TUSC3: variants seen among roughly 807,000 people sequenced by gnomAD.
TUSC3 encodes the protein dolichyl-diphosphooligosaccharide--protein glycosyltransferase subunit TUSC3.
TUSC3 carries 45 observed loss-of-function variants against 44.8 expected under a neutral mutation model. That is an observed-to-expected ratio of 1.00 (90% CI 0.79 to 1.29). TUSC3 has a LOEUF of 1.29. Ranked by LOEUF, TUSC3 falls within the 50% of genes most tolerant of loss-of-function variation. The probability of loss-of-function intolerance (pLI) is 0.00; values close to 1 mark genes in which losing one functional copy is unlikely to be tolerated. For missense variants in TUSC3, 519 were observed against 437.9 expected (o/e 1.19, Z -1.65); for synonymous variants, 212 against 152.9 (o/e 1.39, Z -2.85).
chr8:15,668,247 TG>T (rs767201595), intron 5 of TUSC3, among the ~76,000 whole-genome samples: 37 of 151,720 alleles, frequency 2.4e-4, no homozygotes, highest in African/African-American at 3.9e-4. Context: ...AAGACATGGT[TG>T]TTTTTTTTCA....
At chr8:15,784,757 G>C in the TUSC3 span, among the ~76,000 whole-genome samples, 1 of 152,122 alleles carries the variant, frequency 6.6e-6, no homozygotes, top group Non-Finnish European at 1.5e-5. Context: ...ACCAGAGGCT[G>C]AGGAGAGGAG....
At chr8:15,517,772 C>G (rs1217263798) in intron 2 of TUSC3, among the ~76,000 whole-genome samples, 2 of 151,872 alleles carry the variant, frequency 1.3e-5, no homozygotes, top group African/African-American at 2.4e-5. Flanking sequence ...ATTTCTTTAC[C>G]TAAGAAATTT....
intron 1 of TUSC3, among the ~76,000 whole-genome samples, chr8:15,597,889 T>A (rs1289187133): frequency 6.6e-6 from 1 of 152,090 alleles, no homozygotes; most frequent in Admixed American, 6.6e-5. Context: ...TTAGTTAATA[T>A]TGTCCTTTAA....
In TUSC3 at chr8:15,757,670, C is replaced by T. The variant is rs931578003; in HGVS notation, c.1029-121C>T. The T allele has an allele frequency of 1.2e-5, 15 of 1,289,512 alleles. No homozygotes were observed. In the African/African-American group the frequency reaches 2.1e-4, roughly 18 times the overall value. 79.9% of individuals were successfully genotyped at this position (1,289,512 alleles called of 1,614,324 possible). A position where few individuals can be genotyped will look rare whatever the true frequency, so the allele number is the denominator to read the frequency against. On this transcript the variant is annotated intron_variant, in intron 9 of 10. Coordinates refer to ENST00000503731, the MANE Select transcript of TUSC3 (RefSeq NM_006765.4). ...TCTGTAAAGGCACCATCGTCTATCC[C>T]CTGTCTTATCTAGATAAAGAATGTA...
At chr8:15,822,046 TA>T in the TUSC3 span, among the ~76,000 whole-genome samples, 1 of 152,250 alleles carries the variant, frequency 6.6e-6, no homozygotes, top group African/African-American at 2.4e-5. Context: ...TAGATGCCCT[TA>T]AAATCCAGCA....
At chr8:15,782,140 A>G in the TUSC3 span, among the ~76,000 whole-genome samples, 28 of 152,290 alleles carry the variant, frequency 1.8e-4, no homozygotes, top group African/African-American at 6.7e-4. Flanking sequence ...ATCTCAAAAA[A>G]AGAAAAACTA....
At chr8:15,518,667 C>G (rs1051071564) in intron 2 of TUSC3, among the ~76,000 whole-genome samples, 2 of 152,108 alleles carry the variant, frequency 1.3e-5, no homozygotes, top group Non-Finnish European at 1.5e-5. Context: ...CCAGTCTTAG[C>G]AGCAAATCTG....
At chr8:15,598,394 A>G (rs1804152851) in intron 1 of TUSC3, among the ~76,000 whole-genome samples, 1 of 151,970 alleles carries the variant, frequency 6.6e-6, no homozygotes. Flanking sequence ...CACATGCGTC[A>G]TCTCCATCAT....
chr8:15,503,128 GT>G (rs978331119), intron 2 of TUSC3, among the ~76,000 whole-genome samples: 11 of 152,132 alleles, frequency 7.2e-5, no homozygotes, highest in African/African-American at 2.7e-4. Context: ...TATTTGGAGG[GT>G]TGGGTCTTCA....
At chr8:15,842,005 C>T in the TUSC3 span, among the ~76,000 whole-genome samples, 1 of 152,058 alleles carries the variant, frequency 6.6e-6, no homozygotes, top group African/African-American at 2.4e-5. Context: ...TAAACATAAC[C>T]TATATAATGG....
At chr8:15,425,299 C>G in intron 1 of TUSC3, among the ~76,000 whole-genome samples, 1 of 152,184 alleles carries the variant, frequency 6.6e-6, no homozygotes. Context: ...GTGTTGCCAA[C>G]CTCCACAGTT....
chr8:15,735,823 C>T (rs1474900593), intron 7 of TUSC3, among the ~76,000 whole-genome samples: 1 of 152,104 alleles, frequency 6.6e-6, no homozygotes, highest in Non-Finnish European at 1.5e-5. Context: ...CCTCAGCCTC[C>T]CAAGTAGCTG....
intron 1 of TUSC3, among the ~76,000 whole-genome samples, chr8:15,448,321 A>G (rs181539632): frequency 6.6e-6 from 1 of 151,576 alleles, no homozygotes; most frequent in African/African-American, 2.4e-5. Flanking sequence ...GTTTCACCAC[A>G]TTGGCAAGGC....
At chr8:15,435,048 C>T (rs915588305) in intron 1 of TUSC3, among the ~76,000 whole-genome samples, 1 of 148,088 alleles carries the variant, frequency 6.8e-6, no homozygotes, top group African/African-American at 2.6e-5. Context: ...TGGGTATATA[C>T]CCAGTAATGG....
At position 15,766,235 on chromosome 8, in the gene TUSC3, G is replaced by A. The variant is rs1812322506; in HGVS notation, c.*2079G>A. 6.6e-6 allele frequency: 1 copy of A among 151,930 alleles called. No individual in the cohort carries two copies. The allele number at this position is 151,930 out of a possible 1,614,324, so 9.4% of individuals were successfully genotyped here. The stretch of plus-strand genomic sequence containing the variant: ...CTGTTACATTAGGGAAGTGATTCTA[G>A]AGCAAAATATACTGCCTCAACATAA... On this transcript the variant is annotated 3_prime_UTR_variant, in exon 11 of 11. Coordinates refer to ENST00000503731, the MANE Select transcript of TUSC3 (RefSeq NM_006765.4).
the TUSC3 span, among the ~76,000 whole-genome samples, chr8:15,786,941 C>CAAAAAAAAA: frequency 3.2e-5 from 2 of 63,376 alleles, no homozygotes; most frequent in South Asian, 7.8e-4. Flanking sequence ...GAGACTCCAT[C>CAAAAAAAAA]AAAAAAAAAA....
intron 7 of TUSC3, among the ~76,000 whole-genome samples, chr8:15,732,443 C>T (rs1810760773): frequency 6.6e-6 from 1 of 152,084 alleles, no homozygotes; most frequent in African/African-American, 2.4e-5. Flanking sequence ...CTTCCACAGC[C>T]ATATGGAACT....
intron 1 of TUSC3, among the ~76,000 whole-genome samples, chr8:15,438,914 C>A (rs1224503942): frequency 6.6e-6 from 1 of 152,094 alleles, no homozygotes; most frequent in African/African-American, 2.4e-5. Flanking sequence ...AATAAGCACC[C>A]AATTTAAAAT....
chr8:15,764,082 G>T (rs2129225707), intron 10 of TUSC3, 121 bp from the exon 11 acceptor site: 1 of 1,038,156 alleles, frequency 9.6e-7, no homozygotes. Flanking sequence ...ACAATTAGTT[G>T]AATACAATTA....
Sources: allele counts gnomAD v4.1 joint callset (sites outside exome capture counted in the v4.1 genomes callset), GRCh38; gene constraint gnomAD v4.1.1; transcripts MANE v1.5; gene names NCBI Gene and HGNC (gene_info 2026-07-23, HGNC 2026-07-21).